The following RBFOX1 variants were observed in gnomAD, a reference collection of about 807,000 sequenced individuals.
RBFOX1 encodes the protein RNA binding fox-1 homolog 1, also known as RNA binding protein fox-1 homolog 1.
Under a neutral mutation model 57.7 loss-of-function variants are expected in RBFOX1, and 8 were observed. The ratio of observed to expected loss-of-function variants is 0.14; its 90% CI spans 0.08 to 0.25. The LOEUF is 0.25. Among genes scored for constraint, RBFOX1 ranks in the 10% least tolerant of loss-of-function variants. RBFOX1 has a pLI of 1.00. For synonymous variants in RBFOX1, 326 were observed against 222.4 expected (o/e 1.47, Z -4.15); for missense variants, 611 against 548.5 (o/e 1.11, Z -1.14).
chr16:7,475,110 T>C (rs996600517), intron 4 of RBFOX1, among the ~76,000 whole-genome samples: 2 of 152,074 alleles, frequency 1.3e-5, no homozygotes, highest in African/African-American at 4.8e-5. Context: ...GGGTGCCTCT[T>C]TCATGGCCCC....
chr16:6,593,845 T>G (rs2097749649), intron 2 of RBFOX1, among the ~76,000 whole-genome samples: 1 of 152,158 alleles, frequency 6.6e-6, no homozygotes, highest in Non-Finnish European at 1.5e-5. Context: ...ATTGGGAAGG[T>G]GATCTCTGAA....
chr16:6,545,414 C>T (rs974027259), intron 2 of RBFOX1, among the ~76,000 whole-genome samples: 3 of 152,168 alleles, frequency 2.0e-5, no homozygotes, highest in Non-Finnish European at 4.4e-5. Context: ...TCTCTCCAGG[C>T]CATCATTCTT....
intron 3 of RBFOX1, among the ~76,000 whole-genome samples, chr16:6,892,848 G>T (rs1322188691): frequency 7.2e-6 from 1 of 139,010 alleles, no homozygotes; most frequent in Non-Finnish European, 1.5e-5. Context: ...AGGGTGTTCT[G>T]TGCCCCCCTC....
At chr16:7,551,088 C>CAAAAAAA (rs539169022) in intron 5 of RBFOX1, among the ~76,000 whole-genome samples, 1 of 76,738 alleles carries the variant, frequency 1.3e-5, no homozygotes, top group East Asian at 3.3e-4. Flanking sequence ...GAGCGAGACT[C>CAAAAAAA]AAAAAAAAAA....
chr16:6,876,377 A>T (rs1316985737), intron 3 of RBFOX1, among the ~76,000 whole-genome samples: 2 of 151,838 alleles, frequency 1.3e-5, no homozygotes, highest in Non-Finnish European at 2.9e-5. Context: ...ATACCATCCA[A>T]CCCCTGAAAT....
At chr16:5,830,251 T>C (rs1373773561) in intron 3 of RBFOX1, among the ~76,000 whole-genome samples, 1 of 152,184 alleles carries the variant, frequency 6.6e-6, no homozygotes, top group Non-Finnish European at 1.5e-5. Context: ...ATCTAGTTGG[T>C]TCAGCTTTCC....
intron 3 of RBFOX1, among the ~76,000 whole-genome samples, chr16:6,691,893 G>T (rs1313602388): frequency 6.6e-6 from 1 of 151,386 alleles, no homozygotes; most frequent in South Asian, 2.1e-4. Context: ...TGGTCAGAAA[G>T]ATGCTACTTT....
At chr16:6,386,736 A>T (rs1326090161) in intron 2 of RBFOX1, among the ~76,000 whole-genome samples, 1 of 152,222 alleles carries the variant, frequency 6.6e-6, no homozygotes, top group African/African-American at 2.4e-5. Flanking sequence ...TGTTTACGGT[A>T]AATGGAATAG....
chr16:6,904,734 C>G (rs1042904195), intron 3 of RBFOX1, among the ~76,000 whole-genome samples: 1 of 151,850 alleles, frequency 6.6e-6, no homozygotes, highest in East Asian at 1.9e-4. Flanking sequence ...CTCACAGGGA[C>G]CCTCGCCTTG....
intron 4 of RBFOX1, among the ~76,000 whole-genome samples, chr16:7,104,488 A>C (rs1484349773): frequency 1.3e-5 from 2 of 152,132 alleles, no homozygotes; most frequent in Non-Finnish European, 2.9e-5. Context: ...AAATTTAAAA[A>C]CATAATCTAT....
At chr16:7,361,337 C>G (rs370237916) in intron 4 of RBFOX1, among the ~76,000 whole-genome samples, 14 of 152,324 alleles carry the variant, frequency 9.2e-5, no homozygotes, top group South Asian at 8.3e-4. Flanking sequence ...CCTAAATTGA[C>G]TTAGAAAGCT....
rs975740979 is a variant in RBFOX1 at position 5,421,376 on chromosome 16, C to A, written c.220-45840C>A. Among the ~76,000 whole-genome samples, 10 of 152,198 alleles carry A rather than the reference C, an allele frequency of 6.6e-5. No homozygotes were observed. In the East Asian group the frequency reaches 1.2e-3, roughly 18 times the overall value. On this transcript the variant is annotated intron_variant, in intron 1 of 2. Coordinates refer to the RBFOX1 transcript ENST00000585867. ...GCAGCAGCCTGAGTCTGGCTTCTTT[C>A]TCCTCTACTTCTAAACCTAATCCAC...
chr16:7,680,080 C>T (rs1056660109), intron 14 of RBFOX1, among the ~76,000 whole-genome samples: 4 of 152,138 alleles, frequency 2.6e-5, no homozygotes, highest in African/African-American at 7.2e-5. Context: ...TTTGGTCATC[C>T]GGTCATTGCA....
intron 2 of RBFOX1, among the ~76,000 whole-genome samples, chr16:5,556,432 T>C (rs1256481899): frequency 2.0e-5 from 3 of 152,228 alleles, no homozygotes; most frequent in Non-Finnish European, 4.4e-5. Flanking sequence ...AGGCAACGTT[T>C]CCAGGTCATT....
intron 3 of RBFOX1, among the ~76,000 whole-genome samples, chr16:7,025,454 C>T (rs1016596155): frequency 3.3e-5 from 5 of 152,132 alleles, no homozygotes; most frequent in African/African-American, 9.7e-5. Context: ...GAATGCCTAA[C>T]CTTCTGGGAA....
chr16:7,510,906 A>C (rs2074907520), intron 4 of RBFOX1, among the ~76,000 whole-genome samples: 1 of 152,134 alleles, frequency 6.6e-6, no homozygotes, highest in Admixed American at 6.5e-5. Context: ...ATTCCTGTGC[A>C]TGTCTTCATT....
intron 2 of RBFOX1, among the ~76,000 whole-genome samples, chr16:5,537,503 C>T (rs2044746573): frequency 6.6e-6 from 1 of 152,224 alleles, no homozygotes; most frequent in South Asian, 2.1e-4. Flanking sequence ...AACTTCCTTA[C>T]TGGAGGCTGG....
intron 3 of RBFOX1, among the ~76,000 whole-genome samples, chr16:6,657,436 C>G (rs1156376883): frequency 6.6e-6 from 1 of 151,992 alleles, no homozygotes; most frequent in Non-Finnish European, 1.5e-5. Flanking sequence ...CCCAGCAGAA[C>G]AGCTCCATCC....
chr16:6,316,055 A>G (rs1449576343), intron 1 of RBFOX1, among the ~76,000 whole-genome samples: 1 of 152,160 alleles, frequency 6.6e-6, no homozygotes, highest in Non-Finnish European at 1.5e-5. Context: ...CTTGGCGTAA[A>G]TTGTACTGCT....
Sources: allele counts gnomAD v4.1 joint callset (sites outside exome capture counted in the v4.1 genomes callset), GRCh38; gene constraint gnomAD v4.1.1; transcripts MANE v1.5; gene names NCBI Gene and HGNC (gene_info 2026-07-23, HGNC 2026-07-21).